ACOXL: variants seen among roughly 807,000 people sequenced by gnomAD.
ACOXL encodes the protein acyl-CoA oxidase like, also known as acyl-coenzyme A oxidase-like protein.
In ACOXL, 70 loss-of-function variants were observed where a neutral mutation model predicts 71.9. The observed-to-expected ratio is 0.97, with a 90% CI of 0.80 to 1.19. The LOEUF (loss-of-function observed/expected upper bound fraction) is 1.19. Ranked by LOEUF, ACOXL falls within the 50% of genes most tolerant of loss-of-function variation. ACOXL has a pLI of 0.00. For missense variants in ACOXL, 703 were observed against 736.3 expected (o/e 0.95, Z 0.52); for synonymous variants, 253 against 281.6 (o/e 0.90, Z 1.02).
intron 11 of ACOXL, among the ~76,000 whole-genome samples, chr2:110,917,085 C>T (rs1343004842): frequency 6.6e-6 from 1 of 152,182 alleles, no homozygotes; most frequent in Non-Finnish European, 1.5e-5. Flanking sequence ...GATACCAAAA[C>T]TTAGCAGAGA....
intron 10 of ACOXL, among the ~76,000 whole-genome samples, chr2:110,882,634 T>G (rs2149100933): frequency 6.6e-6 from 1 of 152,296 alleles, no homozygotes; most frequent in East Asian, 1.9e-4. Flanking sequence ...ATGGCTGATT[T>G]TTTTCCTTAA....
intron 12 of ACOXL, among the ~76,000 whole-genome samples, chr2:110,976,809 G>A (rs1190569459): frequency 6.6e-6 from 1 of 152,122 alleles, no homozygotes; most frequent in East Asian, 1.9e-4. Flanking sequence ...GTTTCTTCTT[G>A]AAACAAGAGA....
At chr2:110,858,050 A>G (rs1024179799) in intron 10 of ACOXL, among the ~76,000 whole-genome samples, 1 of 152,160 alleles carries the variant, frequency 6.6e-6, no homozygotes, top group Admixed American at 6.5e-5. Flanking sequence ...CTTAAAGTGC[A>G]TCTCAGATAT....
At chr2:110,784,838 C>G in intron 3 of ACOXL, 23 bp downstream of exon 3, 2 of 1,584,182 alleles carry the variant, frequency 1.3e-6, no homozygotes, top group Non-Finnish European at 1.7e-6. Context: ...GGGCACCTGC[C>G]CTTCATGAAT....
chr2:110,901,027 C>T (rs796128293), intron 10 of ACOXL, among the ~76,000 whole-genome samples: 19 of 152,310 alleles, frequency 1.2e-4, no homozygotes, highest in African/African-American at 4.1e-4. Flanking sequence ...TAATCCTGTA[C>T]GGATCTGCAG....
At position 110,732,693 on chromosome 2, in the gene ACOXL, C is replaced by T. The variant is rs925635056; in HGVS notation, c.-104C>T. 3 of 152,584 alleles carry T rather than the reference C, an allele frequency of 2.0e-5. No homozygotes were observed. The highest frequency in any genetic ancestry group is 1.9e-4 in the East Asian group (1 of 5,170). 9.5% of individuals were successfully genotyped at this position (152,584 alleles called of 1,614,324 possible). On this transcript the variant is annotated 5_prime_UTR_variant, in exon 1 of 18. Coordinates refer to ENST00000439055, the MANE Select transcript of ACOXL (RefSeq NM_001142807.4). ...TCTGGGGCTCGGGGACTCCTCCCTG[C>T]ACCGCTACCTGGACGGCGACTTCTG...
Position 110,933,471 on chromosome 2 carries a change from G to A in ACOXL, c.906-18G>A, listed in dbSNP as rs751741739. Reference sequence around the variant, plus strand: ...CTGCACCGCCACTTCCATCACACATGTCTGCTTTGTCCTGCAGGTATGCTG... The same window carrying A: ...CTGCACCGCCACTTCCATCACACATATCTGCTTTGTCCTGCAGGTATGCTG... On this transcript the variant is annotated intron_variant, in intron 11 of 17. Coordinates refer to ENST00000439055, the MANE Select transcript of ACOXL (RefSeq NM_001142807.4). The A allele has an allele frequency of 3.2e-5, 52 of 1,610,136 alleles. No homozygotes were observed. The highest frequency in any genetic ancestry group is 4.2e-5 in the Non-Finnish European group (49 of 1,177,594).
At chr2:111,078,693 C>A (rs762312979) in intron 16 of ACOXL, among the ~76,000 whole-genome samples, 8 of 152,212 alleles carry the variant, frequency 5.3e-5, no homozygotes, top group Non-Finnish European at 8.8e-5. Context: ...ACATCTGTGT[C>A]ATTTTGCTGT....
At chr2:111,006,566 T>C (rs1241567471) in intron 14 of ACOXL, among the ~76,000 whole-genome samples, 1 of 151,912 alleles carries the variant, frequency 6.6e-6, no homozygotes, top group Admixed American at 6.6e-5. Flanking sequence ...TCTTTTTTTT[T>C]TTTCTTTTTT....
intron 12 of ACOXL, among the ~76,000 whole-genome samples, chr2:110,957,609 G>A (rs1010159058): frequency 1.3e-5 from 2 of 152,180 alleles, no homozygotes; most frequent in African/African-American, 4.8e-5. Flanking sequence ...TCCTCTGTGT[G>A]TGTCTGTGTC....
At chr2:110,900,753 CAT>C (rs766114639) in intron 10 of ACOXL, among the ~76,000 whole-genome samples, 84 of 152,302 alleles carry the variant, frequency 5.5e-4, no homozygotes, top group Non-Finnish European at 1.1e-3. Flanking sequence ...AGGTTTGAAC[CAT>C]AGCGTGATGG....
At chr2:111,054,610 T>C (rs926186224) in intron 16 of ACOXL, among the ~76,000 whole-genome samples, 5 of 152,162 alleles carry the variant, frequency 3.3e-5, no homozygotes, top group Non-Finnish European at 7.4e-5. Context: ...TGCCCCCAAA[T>C]GCACAGAGAC....
intron 10 of ACOXL, among the ~76,000 whole-genome samples, chr2:110,869,019 T>C (rs576005256): frequency 6.6e-6 from 1 of 152,352 alleles, no homozygotes; most frequent in Admixed American, 6.5e-5. Context: ...TCTTGGGTGG[T>C]TGCCATGGTC....
At chr2:111,059,801 A>AAGG (rs1305794437) in intron 16 of ACOXL, among the ~76,000 whole-genome samples, 1 of 151,274 alleles carries the variant, frequency 6.6e-6, no homozygotes, top group African/African-American at 2.4e-5. Context: ...GGGGTAGAAG[A>AAGG]AGGAGGAGGA....
intron 12 of ACOXL, among the ~76,000 whole-genome samples, chr2:110,940,882 G>A (rs967069712): frequency 5.3e-5 from 8 of 152,176 alleles, no homozygotes; most frequent in African/African-American, 1.9e-4. Context: ...AGGTAGACAC[G>A]TGCAGAGTAC....
chr2:111,048,279 A>G (rs1373242730), intron 15 of ACOXL, among the ~76,000 whole-genome samples: 2 of 152,254 alleles, frequency 1.3e-5, no homozygotes, highest in Non-Finnish European at 2.9e-5. Flanking sequence ...CTCAAAGACA[A>G]GAGGCAGAAC....
chr2:111,101,407 G>C (rs2069148874), intron 17 of ACOXL, among the ~76,000 whole-genome samples: 2 of 152,092 alleles, frequency 1.3e-5, no homozygotes, highest in African/African-American at 4.8e-5. Flanking sequence ...ATGCGGTGTT[G>C]GTTGTTTTCC....
chr2:110,740,272 A>G (rs1677355684), intron 1 of ACOXL, among the ~76,000 whole-genome samples: 1 of 152,246 alleles, frequency 6.6e-6, no homozygotes, highest in Admixed American at 6.5e-5. Context: ...TATTGCTCCC[A>G]AGACTATATC....
At chr2:110,908,571 G>A (rs574084512) in intron 10 of ACOXL, among the ~76,000 whole-genome samples, 3 of 152,280 alleles carry the variant, frequency 2.0e-5, no homozygotes, top group Admixed American at 6.5e-5. Flanking sequence ...AATGTTCCAC[G>A]CTGGGAAGGT....
Sources: allele counts gnomAD v4.1 joint callset (sites outside exome capture counted in the v4.1 genomes callset), GRCh38; gene constraint gnomAD v4.1.1; transcripts MANE v1.5; gene names NCBI Gene and HGNC (gene_info 2026-07-23, HGNC 2026-07-21).